The following CEP164 variants were observed in gnomAD, a reference collection of about 807,000 sequenced individuals.
CEP164 encodes centrosomal protein of 164 kDa.
In CEP164, 162 loss-of-function variants were observed where a neutral mutation model predicts 182.7. The ratio of observed to expected loss-of-function variants is 0.89; its 90% CI spans 0.78 to 1.01. The LOEUF is 1.01. Among genes scored for constraint, CEP164 ranks in the 50% least tolerant of loss-of-function variants. CEP164 has a pLI of 0.00. For synonymous variants in CEP164, 661 were observed against 690.0 expected (o/e 0.96, Z 0.66); for missense variants, 1,735 against 1,790.4 (o/e 0.97, Z 0.56).
chr11:117,359,463 G>C, intron 5 of CEP164: 1 of 985,424 alleles, frequency 1.0e-6, no homozygotes, highest in Non-Finnish European at 1.2e-6. Context: ...AGAAGCTCAG[G>C]AGTGTCTCTC....
chr11:117,351,366 A>G (rs776623240), intron 4 of CEP164, among the ~76,000 whole-genome samples: 6 of 152,142 alleles, frequency 3.9e-5, no homozygotes, highest in Non-Finnish European at 5.9e-5. Flanking sequence ...AGCTCTCACA[A>G]TGCATTATTC....
intron 1 of CEP164, among the ~76,000 whole-genome samples, chr11:117,334,915 C>T (rs1244992581): frequency 2.0e-5 from 3 of 152,048 alleles, no homozygotes; most frequent in Non-Finnish European, 2.9e-5. Flanking sequence ...TGACATTTCT[C>T]AAATGCAGAA....
chr11:117,337,720 C>T (rs1267352624), intron 2 of CEP164, among the ~76,000 whole-genome samples: 1 of 152,088 alleles, frequency 6.6e-6, no homozygotes, highest in Non-Finnish European at 1.5e-5. Context: ...TTCCTGACAC[C>T]AGTCTCTCAT....
At chr11:117,353,604 G>A (rs964854320) in intron 5 of CEP164, among the ~76,000 whole-genome samples, 2 of 152,138 alleles carry the variant, frequency 1.3e-5, no homozygotes, top group Admixed American at 6.6e-5. Context: ...AGTTCCCTCC[G>A]TGGTTTCAGG....
chr11:117,343,192 A>G (rs968766481), intron 3 of CEP164, among the ~76,000 whole-genome samples: 3 of 152,246 alleles, frequency 2.0e-5, no homozygotes, highest in Non-Finnish European at 4.4e-5. Context: ...ATTAGGGTCC[A>G]TAATATATTG....
At position 117,411,532 on chromosome 11, in the gene CEP164, CGGGAGCA is replaced by C. The variant is rs1176202507; in HGVS notation, c.4164-260_4164-254del. The stretch of plus-strand genomic sequence containing the variant: ...GGGAGCGCTTTGCTGATGAGATTGG[CGGGAGCA>C]GGCGGATGTGGGAGCCCAGAGCCTT... On this transcript the variant is annotated intron_variant, in intron 31 of 32. Transcript: ENST00000278935. The surrounding 1 kb of genome is among the most constrained non-coding windows in gnomAD (Gnocchi z 4.4). The C allele has an allele frequency of 4.8e-6, 2 of 418,512 alleles. No homozygotes were observed. The highest frequency in any genetic ancestry group is 8.8e-6 in the Non-Finnish European group (2 of 227,106). The allele number at this position is 418,512 out of a possible 1,614,324, so 25.9% of individuals were successfully genotyped here. A position where few individuals can be genotyped will look rare whatever the true frequency, so the allele number is the denominator to read the frequency against.
At chr11:117,408,689 AC>A in intron 28 of CEP164, 200 bp from the exon 29 acceptor site, 1 of 660,726 alleles carries the variant, frequency 1.5e-6, no homozygotes, top group Non-Finnish European at 2.5e-6. Flanking sequence ...CCTACATACC[AC>A]CTTGAATTTG....
At chr11:117,350,539 C>T (rs750911748) in intron 4 of CEP164, among the ~76,000 whole-genome samples, 3 of 152,100 alleles carry the variant, frequency 2.0e-5, no homozygotes, top group Non-Finnish European at 4.4e-5. Context: ...GCTTATGGGT[C>T]ATTTGCATAT....
In CEP164 at chr11:117,338,645, A is replaced by C. The variant is rs767865652; in HGVS notation, c.59A>C (p.Glu20Ala). The part of the protein sequence containing the change: ...DQLVLEEDYD[E>A]TYIPSEQEIL... Reference sequence around the variant, plus strand: ...CTGGTTCTGGAAGAAGATTATGATGAGACCTACATTCCTAGTGAGCAAGGT... The same window carrying C: ...CTGGTTCTGGAAGAAGATTATGATGCGACCTACATTCCTAGTGAGCAAGGT... Residue 20 changes from glutamate to alanine, a missense_variant, in exon 3 of 33, where the codon GAG becomes GCG. Transcript: ENST00000278935. The C allele has an allele frequency of 2.5e-6, 4 of 1,613,884 alleles. No homozygotes were observed. The East Asian group carries it at 8.9e-5, about 36-fold the overall frequency.
chr11:117,349,780 A>G (rs184721757), intron 4 of CEP164, among the ~76,000 whole-genome samples: 13 of 152,266 alleles, frequency 8.5e-5, no homozygotes, highest in Non-Finnish European at 1.5e-4. Flanking sequence ...ACCATTTTAC[A>G]TTCCTACCAG....
chr11:117,384,262 G>A (rs751072279), intron 14 of CEP164, among the ~76,000 whole-genome samples: 7 of 152,238 alleles, frequency 4.6e-5, no homozygotes, highest in Admixed American at 1.3e-4. Context: ...ACTGAGAGCT[G>A]GCAGGGCACG....
intron 5 of CEP164, among the ~76,000 whole-genome samples, chr11:117,358,948 CT>C (rs61487104): frequency 3.8e-3 from 536 of 142,674 alleles, no homozygotes; most frequent in African/African-American, 4.5e-3. Flanking sequence ...GGGCAGGGTT[CT>C]TTTTTTTTTT....
intron 14 of CEP164, among the ~76,000 whole-genome samples, chr11:117,383,638 T>C (rs895193268): frequency 1.2e-4 from 19 of 152,370 alleles, no homozygotes; most frequent in African/African-American, 4.6e-4. Flanking sequence ...TCTCCTTCCA[T>C]TCTTACCCTT....
rs1054902516 is a variant in CEP164 at position 117,359,897 on chromosome 11, C to T, written c.394-1938C>T. 2.0e-5 allele frequency among the ~76,000 whole-genome samples: 3 copies of T among 152,174 alleles called. 1 individual carries two copies. The highest frequency in any genetic ancestry group is 6.3e-3 in the Middle Eastern group (2 of 316). On this transcript the variant is annotated intron_variant, in intron 5 of 32. Coordinates refer to ENST00000278935, the MANE Select transcript of CEP164 (RefSeq NM_014956.5). The stretch of plus-strand genomic sequence containing the variant: ...CAAGGCACACATCATCTCCATCTTG[C>T]GGATGAGTAAACTGAGAATTGGAGA...
chr11:117,411,292 C>T lies in CEP164; in HGVS notation c.4163+398C>T, dbSNP rs1210025259. Reference sequence around the variant, plus strand: ...TTTGCTTCCTGTGGCTCCCTTATTCCCCCAGTCCTGCTGAGCAACATCTGG... The same window carrying T: ...TTTGCTTCCTGTGGCTCCCTTATTCTCCCAGTCCTGCTGAGCAACATCTGG... On this transcript the variant is annotated intron_variant, in intron 31 of 32. Coordinates refer to ENST00000278935, the MANE Select transcript of CEP164 (RefSeq NM_014956.5). This position sits in a 1 kb window ranked among gnomAD's most constrained non-coding sequence, Gnocchi z 4.4. 4 of 250,640 alleles carry T rather than the reference C, an allele frequency of 1.6e-5. No homozygotes were observed. The highest frequency in any genetic ancestry group is 8.6e-5 in the East Asian group (1 of 11,682). 15.5% of individuals were successfully genotyped at this position (250,640 alleles called of 1,614,324 possible).
intron 4 of CEP164, among the ~76,000 whole-genome samples, chr11:117,347,610 T>TG (rs907408541): frequency 1.1e-4 from 17 of 152,010 alleles, no homozygotes; most frequent in African/African-American, 2.7e-4. Flanking sequence ...CTCGGGAGGC[T>TG]GAGGCAGGAG....
chr11:117,326,574 T>C (rs2035462981), upstream of CEP164, among the ~76,000 whole-genome samples: 1 of 152,206 alleles, frequency 6.6e-6, no homozygotes, highest in East Asian at 1.9e-4. Flanking sequence ...GCCCGGTCGA[T>C]AGTTTTTGTT....
chr11:117,354,314 G>T (rs896493072), intron 5 of CEP164, among the ~76,000 whole-genome samples: 5 of 152,078 alleles, frequency 3.3e-5, no homozygotes, highest in Admixed American at 3.3e-4. Flanking sequence ...CACCACACAC[G>T]GCTCAAGGTT....
At chr11:117,341,436 TTTTGTTG>T (rs891721694) in intron 3 of CEP164, among the ~76,000 whole-genome samples, 1 of 150,208 alleles carries the variant, frequency 6.7e-6, no homozygotes, top group Non-Finnish European at 1.5e-5. Flanking sequence ...ATTGGCCTTT[TTTTGTTG>T]TTTGTTTGTT....
Sources: gnomAD v4.1 joint callset for allele counts (sites outside exome capture counted in the v4.1 genomes callset) on GRCh38, gnomAD v4.1.1 for gene constraint, Gnocchi (gnomAD v3.1) non-coding constraint, MANE v1.5 for transcripts, NCBI Gene and HGNC (gene_info 2026-07-23, HGNC 2026-07-21) for gene names.